Variants in SCD5 observed in about 807,000 individuals in gnomAD.
SCD5 encodes stearoyl-CoA desaturase 5, also known as acyl-CoA-desaturase 4.
SCD5 carries 20 observed loss-of-function variants against 30.4 expected under a neutral mutation model. The ratio of observed to expected loss-of-function variants is 0.66; its 90% CI spans 0.46 to 0.96. SCD5 has a LOEUF of 0.96. Among genes scored for constraint, SCD5 ranks in the 40% least tolerant of loss-of-function variants. SCD5 has a pLI of 0.00. For missense variants in SCD5, 381 were observed against 443.3 expected (o/e 0.86, Z 1.26); for synonymous variants, 173 against 176.4 (o/e 0.98, Z 0.16).
At chr4:82,681,599 T>A (rs781371091) in intron 2 of SCD5, among the ~76,000 whole-genome samples, 5 of 151,858 alleles carry the variant, frequency 3.3e-5, no homozygotes, top group Non-Finnish European at 7.4e-5. Flanking sequence ...CATGGACACA[T>A]AGGGGAACAA....
chr4:82,736,075 C>T (rs1720744088), intron 1 of SCD5, among the ~76,000 whole-genome samples: 1 of 152,138 alleles, frequency 6.6e-6, no homozygotes, highest in African/African-American at 2.4e-5. Flanking sequence ...CACTTGATCC[C>T]AGGAGTTCGA....
intron 3 of SCD5, among the ~76,000 whole-genome samples, chr4:82,668,558 A>C (rs1395385144): frequency 6.6e-6 from 1 of 152,280 alleles, no homozygotes; most frequent in African/African-American, 2.4e-5. Flanking sequence ...TAAGTGATAC[A>C]TGTAGAAAAG....
At chr4:82,736,641 A>G (rs992525889) in intron 1 of SCD5, among the ~76,000 whole-genome samples, 3 of 151,968 alleles carry the variant, frequency 2.0e-5, no homozygotes, top group African/African-American at 7.3e-5. Flanking sequence ...TAGTAATATT[A>G]TATTTCATTT....
At chr4:82,700,778 C>A (rs1176512883) in intron 2 of SCD5, among the ~76,000 whole-genome samples, 1 of 107,894 alleles carries the variant, frequency 9.3e-6, no homozygotes, top group Non-Finnish European at 1.7e-5. Context: ...CGGAGTGAGA[C>A]CCTGTCTCTA....
chr4:82,697,192 G>A (rs1489190823), intron 2 of SCD5, among the ~76,000 whole-genome samples: 4 of 152,214 alleles, frequency 2.6e-5, no homozygotes, highest in African/African-American at 4.8e-5. Context: ...AGGACTGCAT[G>A]CGGAATTCAC....
chr4:82,776,571 A>G (rs1251467787), intron 1 of SCD5, among the ~76,000 whole-genome samples: 2 of 152,136 alleles, frequency 1.3e-5, no homozygotes. Context: ...CCGAGGATTC[A>G]CATGCAGATC....
intron 2 of SCD5, among the ~76,000 whole-genome samples, chr4:82,681,860 C>T (rs941973683): frequency 8.5e-5 from 13 of 152,090 alleles, no homozygotes; most frequent in Admixed American, 5.9e-4. Flanking sequence ...GGAATGGTGC[C>T]GGTTCTTGGC....
intron 1 of SCD5, among the ~76,000 whole-genome samples, chr4:82,720,435 C>CAAAAAAAAAAA (rs1720343333): frequency 7.0e-5 from 1 of 14,380 alleles, no homozygotes; most frequent in East Asian, 1.4e-3. Context: ...TCAAAAAAGG[C>CAAAAAAAAAAA]AAAAATAAAA....
intron 4 of SCD5, 88 bp from the exon 5 acceptor site, chr4:82,631,605 T>G: frequency 1.4e-6 from 2 of 1,410,902 alleles, no homozygotes; most frequent in East Asian, 2.4e-5. Context: ...GGGTTTACCA[T>G]GTGCAGGACA....
Position 82,679,263 on chromosome 4 carries a change from G to GAAAGAAA in SCD5, c.569+1443_569+1444insTTTCTTT, listed in dbSNP as rs1560531713. Among the ~76,000 whole-genome samples, 355 of 118,324 alleles carry GAAAGAAA rather than the reference G, an allele frequency of 3.0e-3. 15 individuals carry two copies. Among genetic ancestry groups the GAAAGAAA allele is most frequent in the African/African-American group, 0.011 (345 of 32,024 alleles). The allele number at this position is 118,324 out of a possible 152,430, so 77.6% of individuals were successfully genotyped here. A position where few individuals can be genotyped will look rare whatever the true frequency, so the allele number is the denominator to read the frequency against. On this transcript the variant is annotated intron_variant, in intron 3 of 4. Transcript: ENST00000319540. The stretch of plus-strand genomic sequence containing the variant: ...AAGAAAGAAAGAAAGAAAGAAAGAA[G>GAAAGAAA]GAAGGAAAGAAAGAAAGAAGGAAGG...
chr4:82,753,790 C>A (rs536491581), intron 1 of SCD5, among the ~76,000 whole-genome samples: 3 of 152,114 alleles, frequency 2.0e-5, no homozygotes, highest in Non-Finnish European at 4.4e-5. Flanking sequence ...CACATACCCC[C>A]CTGACAGAAG....
At chr4:82,636,405 C>T (rs983938966) in intron 4 of SCD5, among the ~76,000 whole-genome samples, 186 bp downstream of exon 4, 11 of 150,260 alleles carry the variant, frequency 7.3e-5, no homozygotes, top group Non-Finnish European at 1.5e-4. Flanking sequence ...CAGCCAAGAT[C>T]GTGCCACTGC....
intron 1 of SCD5, among the ~76,000 whole-genome samples, chr4:82,737,863 C>CA (rs144623318): frequency 0.039 from 5,905 of 149,510 alleles, 390 homozygotes; most frequent in African/African-American, 0.14. Flanking sequence ...GGCTGGGGGG[C>CA]AAAAAAGGTC....
At chr4:82,715,503 A>G (rs1720207128) in intron 1 of SCD5, among the ~76,000 whole-genome samples, 2 of 151,420 alleles carry the variant, frequency 1.3e-5, no homozygotes, top group Non-Finnish European at 2.9e-5. Context: ...CAAGTTACTC[A>G]TCACTCTGGG....
At chr4:82,797,538 A>G (rs1325643870) in intron 1 of SCD5, among the ~76,000 whole-genome samples, 1 of 151,680 alleles carries the variant, frequency 6.6e-6, no homozygotes, top group African/African-American at 2.4e-5. Flanking sequence ...GCACGGAAGG[A>G]GGGTACCAGG....
At chr4:82,694,851 C>T (rs891093956) in intron 2 of SCD5, among the ~76,000 whole-genome samples, 8 of 152,086 alleles carry the variant, frequency 5.3e-5, no homozygotes, top group East Asian at 3.8e-4. Context: ...AGTGAAGCTG[C>T]GCAGTTCAAA....
rs1722286073 is a variant in SCD5 at position 82,798,599 on chromosome 4, C to T, written c.-62G>A. 1.4e-6 allele frequency: 2 copies of T among 1,434,016 alleles called. No individual in the cohort carries two copies. The highest frequency in any genetic ancestry group is 5.0e-5 in the East Asian group (2 of 40,180). The allele number at this position is 1,434,016 out of a possible 1,614,324, so 88.8% of individuals were successfully genotyped here. A position where few individuals can be genotyped will look rare whatever the true frequency, so the allele number is the denominator to read the frequency against. ...AGGCAGGCGCTCTGCCCGAGCGGAG[C>T]TCGAGGGTGGGGGCGGGGGCTTCTG... is the stretch of plus-strand genomic sequence containing the variant. On this transcript the variant is annotated 5_prime_UTR_variant, in exon 1 of 5. Transcript: ENST00000319540.
At chr4:82,794,025 G>C (rs746310876) in intron 1 of SCD5, among the ~76,000 whole-genome samples, 1 of 152,090 alleles carries the variant, frequency 6.6e-6, no homozygotes, top group Non-Finnish European at 1.5e-5. Flanking sequence ...CTCATCTTTG[G>C]GCAAATTTCA....
At chr4:82,771,552 T>C (rs903541174) in intron 1 of SCD5, among the ~76,000 whole-genome samples, 8 of 152,220 alleles carry the variant, frequency 5.3e-5, no homozygotes, top group Non-Finnish European at 4.4e-5. Context: ...TTCTTGCAGA[T>C]AGGAGAAGGT....
Sources: allele counts gnomAD v4.1 joint callset (sites outside exome capture counted in the v4.1 genomes callset), GRCh38; gene constraint gnomAD v4.1.1; transcripts MANE v1.5; gene names NCBI Gene and HGNC (gene_info 2026-07-23, HGNC 2026-07-21).